Variants in NTRK3 observed in about 807,000 individuals in gnomAD.
NTRK3 encodes the protein NT-3 growth factor receptor.
Under a neutral mutation model 91.7 loss-of-function variants are expected in NTRK3, and 24 were observed. The ratio of observed to expected loss-of-function variants is 0.26; its 90% CI spans 0.19 to 0.37. The LOEUF (loss-of-function observed/expected upper bound fraction) is 0.37. Ranked by LOEUF, NTRK3 falls within the 10% of genes least tolerant of loss-of-function variation. The pLI is 1.00. For missense variants in NTRK3, 880 were observed against 1,068.9 expected (o/e 0.82, Z 2.46); for synonymous variants, 483 against 404.0 (o/e 1.20, Z -2.34).
chr15:88,028,851 TTC>T (rs1354522055), intron 14 of NTRK3, among the ~76,000 whole-genome samples: 1 of 152,148 alleles, frequency 6.6e-6, no homozygotes, highest in East Asian at 1.9e-4. Flanking sequence ...CAAGAAGCCT[TTC>T]AACTGGCTTA....
chr15:88,189,657 T>G (rs1173270279), intron 3 of NTRK3, among the ~76,000 whole-genome samples: 1 of 152,148 alleles, frequency 6.6e-6, no homozygotes, highest in Non-Finnish European at 1.5e-5. Context: ...TTGGCCAGGC[T>G]GGTCTCAAAC....
chr15:87,940,475 A>G lies in NTRK3; in HGVS notation c.1716+148T>C, dbSNP rs1053999908. The G allele has an allele frequency of 6.3e-6, 8 of 1,277,986 alleles. No homozygotes were observed. The African/African-American group carries it at 1.0e-4, about 16-fold the overall frequency. 79.2% of individuals were successfully genotyped at this position (1,277,986 alleles called of 1,614,324 possible). A position where few individuals can be genotyped will look rare whatever the true frequency, so the allele number is the denominator to read the frequency against. On this transcript the variant is annotated intron_variant, in intron 15 of 18. Coordinates refer to ENST00000394480, the Ensembl canonical transcript of NTRK3. ...AAGGAAGTTGTTTTGGTCCCTAGGA[A>G]ACTTCATTGACCTCGGAGCAAAGTC...
At chr15:88,076,207 G>A (rs1441455374) in intron 13 of NTRK3, among the ~76,000 whole-genome samples, 1 of 152,200 alleles carries the variant, frequency 6.6e-6, no homozygotes, top group East Asian at 1.9e-4. Flanking sequence ...ATGGTGGCAG[G>A]TAAGAGGATG....
intron 13 of NTRK3, among the ~76,000 whole-genome samples, chr15:88,090,555 A>G (rs2048927092): frequency 6.6e-6 from 1 of 152,186 alleles, no homozygotes; most frequent in African/African-American, 2.4e-5. Context: ...TCCTTAATGC[A>G]AATTCAGCCA....
chr15:87,929,772 C>T (rs2068633170), intron 16 of NTRK3, among the ~76,000 whole-genome samples: 1 of 152,196 alleles, frequency 6.6e-6, no homozygotes, highest in Non-Finnish European at 1.5e-5. Flanking sequence ...AATAACTCTG[C>T]CATAGCCCTT....
chr15:88,005,770 T>C (rs1475950920), intron 14 of NTRK3, among the ~76,000 whole-genome samples: 1 of 152,154 alleles, frequency 6.6e-6, no homozygotes, highest in Non-Finnish European at 1.5e-5. Context: ...AACTACACAG[T>C]CTACACTTCA....
At chr15:88,155,693 C>T (rs141446601) in intron 5 of NTRK3, among the ~76,000 whole-genome samples, 5 of 152,262 alleles carry the variant, frequency 3.3e-5, no homozygotes, top group South Asian at 2.1e-4. Flanking sequence ...ACAAATACCA[C>T]GTGAAATTTT....
chr15:87,921,510 G>A (rs1419889488), intron 17 of NTRK3, among the ~76,000 whole-genome samples: 1 of 152,178 alleles, frequency 6.6e-6, no homozygotes, highest in African/African-American at 2.4e-5. Flanking sequence ...TCAGAGGAAG[G>A]AACTATATGA....
At chr15:87,872,562 T>C in exon 19 of NTRK3, 1 of 230,656 alleles carries the variant, frequency 4.3e-6, no homozygotes, top group East Asian at 6.2e-5. Context: ...ATGTTGGTTT[T>C]GAACAGGGAA....
intron 17 of NTRK3, among the ~76,000 whole-genome samples, chr15:87,918,004 T>C (rs1309283076): frequency 3.3e-5 from 5 of 152,256 alleles, no homozygotes; most frequent in African/African-American, 1.2e-4. Context: ...TGTGTTTTTT[T>C]TTTGTTTTGT....
intron 3 of NTRK3, among the ~76,000 whole-genome samples, chr15:88,248,065 A>T (rs2053009773): frequency 6.6e-6 from 1 of 152,200 alleles, no homozygotes; most frequent in Non-Finnish European, 1.5e-5. Flanking sequence ...CTCGCTGGCC[A>T]TGAGCACCAG....
At chr15:88,087,351 G>A (rs1484681884) in intron 13 of NTRK3, among the ~76,000 whole-genome samples, 1 of 152,142 alleles carries the variant, frequency 6.6e-6, no homozygotes, top group Non-Finnish European at 1.5e-5. Flanking sequence ...TGTCCGGCAG[G>A]TCTCTCGGGA....
intron 14 of NTRK3, among the ~76,000 whole-genome samples, chr15:87,983,310 T>C (rs571511462): frequency 1.3e-5 from 2 of 152,276 alleles, no homozygotes; most frequent in South Asian, 4.1e-4. Flanking sequence ...GGGAAGGGCA[T>C]CCCACCCCAG....
intron 14 of NTRK3, among the ~76,000 whole-genome samples, chr15:87,995,893 A>T (rs1005585186): frequency 4.6e-5 from 7 of 152,256 alleles, no homozygotes; most frequent in African/African-American, 1.7e-4. Context: ...TGAATTTCAT[A>T]TAATTTTCAC....
chr15:87,919,933 C>T (rs983095626), intron 17 of NTRK3, among the ~76,000 whole-genome samples: 1 of 152,278 alleles, frequency 6.6e-6, no homozygotes, highest in Non-Finnish European at 1.5e-5. Flanking sequence ...TACCTTTGGC[C>T]ATGTCCCCCT....
At chr15:87,982,095 A>G (rs1164787631) in intron 14 of NTRK3, among the ~76,000 whole-genome samples, 1 of 152,180 alleles carries the variant, frequency 6.6e-6, no homozygotes, top group African/African-American at 2.4e-5. Context: ...AAGCCCGCCT[A>G]AGTCTCTGCC....
chr15:87,940,484 G>T, intron 15 of NTRK3, 139 bp downstream of exon 15: 2 of 1,373,912 alleles, frequency 1.5e-6, no homozygotes, highest in South Asian at 1.2e-5. Context: ...AAACTTCATT[G>T]ACCTCGGAGC....
At chr15:88,195,544 C>T (rs1462044204) in intron 3 of NTRK3, among the ~76,000 whole-genome samples, 1 of 152,250 alleles carries the variant, frequency 6.6e-6, no homozygotes, top group Non-Finnish European at 1.5e-5. Flanking sequence ...CATAAAGGAG[C>T]AAGCTGTGCC....
At chr15:88,050,230 G>T (rs959076256) in intron 13 of NTRK3, among the ~76,000 whole-genome samples, 12 of 152,088 alleles carry the variant, frequency 7.9e-5, no homozygotes, top group Admixed American at 6.5e-5. Flanking sequence ...AGGCACGTGT[G>T]TCCCAGGCTA....
Sources: allele counts gnomAD v4.1 joint callset (sites outside exome capture counted in the v4.1 genomes callset), GRCh38; gene constraint gnomAD v4.1.1; transcripts MANE v1.5; gene names NCBI Gene and HGNC (gene_info 2026-07-23, HGNC 2026-07-21).